ANO2: variants seen among roughly 807,000 people sequenced by gnomAD.
ANO2 encodes the protein anoctamin-2.
ANO2 carries 101 observed loss-of-function variants against 124.2 expected under a neutral mutation model. The ratio of observed to expected loss-of-function variants is 0.81; its 90% confidence interval spans 0.69 to 0.96. ANO2 has a LOEUF of 0.96. ANO2 is among the 40% of genes least tolerant of loss of function. The pLI is 0.00. For missense variants in ANO2, 1,293 were observed against 1,274.5 expected, an observed-to-expected ratio of 1.01 and a Z score of -0.22; for synonymous variants, 486 against 482.5, an observed-to-expected ratio of 1.01 and a Z score of -0.09.
chr12:5,819,637 C>T (rs1178427698), intron 7 of ANO2, among the ~76,000 whole-genome samples: 2 of 152,172 alleles, frequency 1.3e-5, no homozygotes, highest in Non-Finnish European at 2.9e-5. Context: ...GGATTAGTCA[C>T]TTTAGACCTA....
chr12:5,753,189 C>T (rs565813276), intron 10 of ANO2, among the ~76,000 whole-genome samples: 2 of 152,222 alleles, frequency 1.3e-5, no homozygotes, highest in East Asian at 1.9e-4. Flanking sequence ...TTCATCGGTG[C>T]CTTTCTCCAA....
At chr12:5,661,519 G>A (rs898168603) in intron 14 of ANO2, among the ~76,000 whole-genome samples, 2 of 152,092 alleles carry the variant, frequency 1.3e-5, no homozygotes, top group African/African-American at 4.8e-5. Context: ...GGGGGTGGGT[G>A]GGGACTTGAA....
rs1019683335 is a variant in ANO2, at chr12:5,843,453, G to A, written c.633+10590C>T. Among the ~76,000 whole-genome samples the A allele has an allele frequency of 2.6e-5, 4 of 152,122 alleles. No homozygotes were observed. The South Asian group carries it at 8.3e-4, about 32-fold the overall frequency. ...TAATCCCAGCTACTTGGGAGGCTGC[G>A]GTATGAGAATTGCTTGAACCTGAGC... On this transcript the variant is annotated intron_variant, in intron 4 of 24. Coordinates refer to ENST00000682330, the MANE Select transcript of ANO2 (RefSeq NM_001364791.2).
intron 3 of ANO2, among the ~76,000 whole-genome samples, chr12:5,859,635 C>CA (rs942870146): frequency 1.6e-4 from 25 of 152,142 alleles, no homozygotes; most frequent in African/African-American, 6.0e-4. Context: ...CAGGTTCAAG[C>CA]AATCCTCCCA....
chr12:5,927,190 G>C (rs1029479463), intron 1 of ANO2, among the ~76,000 whole-genome samples: 1 of 152,134 alleles, frequency 6.6e-6, no homozygotes, highest in African/African-American at 2.4e-5. Flanking sequence ...CTGGCTGTCT[G>C]TCCCCACCAT....
chr12:5,610,256 T>C (rs1299775444), intron 19 of ANO2, among the ~76,000 whole-genome samples: 2 of 124,650 alleles, frequency 1.6e-5, no homozygotes, highest in Non-Finnish European at 1.6e-5. Flanking sequence ...CATATATTTA[T>C]ACATAAATAT....
chr12:5,632,890 C>A (rs984954944), intron 16 of ANO2, among the ~76,000 whole-genome samples: 22 of 152,308 alleles, frequency 1.4e-4, no homozygotes, highest in African/African-American at 5.3e-4. Context: ...GCACACTCAG[C>A]AATACCCTTT....
chr12:5,736,126 A>G (rs1321517777), intron 13 of ANO2, among the ~76,000 whole-genome samples: 3 of 152,250 alleles, frequency 2.0e-5, no homozygotes, highest in African/African-American at 2.4e-5. Flanking sequence ...AATAAGTCCC[A>G]TGATGATGTC....
intron 3 of ANO2, among the ~76,000 whole-genome samples, chr12:5,920,058 TG>T (rs1941609051): frequency 1.4e-5 from 2 of 147,782 alleles, no homozygotes; most frequent in East Asian, 4.1e-4. Flanking sequence ...GATGGATGGA[TG>T]GATGGATGGA....
chr12:5,613,531 G>A (rs768278098), intron 17 of ANO2, among the ~76,000 whole-genome samples: 3 of 152,116 alleles, frequency 2.0e-5, no homozygotes, highest in Non-Finnish European at 2.9e-5. Context: ...TGTGCAGGTC[G>A]GGGAAGCAAA....
chr12:5,650,539 C>T (rs1259909120), intron 14 of ANO2, among the ~76,000 whole-genome samples: 3 of 152,158 alleles, frequency 2.0e-5, no homozygotes, highest in African/African-American at 7.2e-5. Flanking sequence ...GCCAAAGTCA[C>T]TAGTAAAGAT....
chr12:5,597,078 T>C (rs1943698866), intron 20 of ANO2, among the ~76,000 whole-genome samples: 1 of 152,182 alleles, frequency 6.6e-6, no homozygotes, highest in African/African-American at 2.4e-5. Context: ...TCCTCTTTGT[T>C]GTATTTTAAT....
intron 13 of ANO2, 58 bp downstream of exon 13, chr12:5,739,259 G>T: frequency 1.4e-6 from 2 of 1,438,798 alleles, no homozygotes; most frequent in South Asian, 2.4e-5. Flanking sequence ...TCCATTTCCA[G>T]GGTCAAAACA....
chr12:5,626,302 C>T (rs776693345), intron 16 of ANO2, among the ~76,000 whole-genome samples: 30 of 152,146 alleles, frequency 2.0e-4, no homozygotes, highest in Middle Eastern at 6.8e-3. Context: ...GTCAGGGTGT[C>T]GGATGGCATC....
chr12:5,925,964 T>G lies in ANO2; in HGVS notation c.23-3160A>C, dbSNP rs1942060000. 6.6e-6 allele frequency among the ~76,000 whole-genome samples: 1 copy of G among 152,238 alleles called. No individual in the cohort carries two copies. The highest frequency in any genetic ancestry group is 6.5e-5 in the Admixed American group (1 of 15,284). On this transcript the variant is annotated intron_variant, in intron 1 of 24. Transcript: ENST00000682330. The surrounding 1 kb of genome is among the most constrained non-coding windows in gnomAD (Gnocchi z 4.6). The stretch of plus-strand genomic sequence containing the variant: ...AGTTTCACTCTAACTCTTGCTCTCC[T>G]GCAGGCACCAGGTCCACACATTCCC...
intron 14 of ANO2, among the ~76,000 whole-genome samples, chr12:5,660,199 T>G (rs1947368688): frequency 6.6e-6 from 1 of 152,120 alleles, no homozygotes; most frequent in Non-Finnish European, 1.5e-5. Flanking sequence ...AACCCCACTG[T>G]AAGTCAAGGA....
intron 14 of ANO2, among the ~76,000 whole-genome samples, chr12:5,688,732 A>C (rs1300329653): frequency 6.6e-6 from 1 of 152,056 alleles, no homozygotes; most frequent in Non-Finnish European, 1.5e-5. Flanking sequence ...CAGTTCATCC[A>C]AGTCTAGGGT....
At chr12:5,584,265 C>T (rs1942975633) in intron 20 of ANO2, among the ~76,000 whole-genome samples, 1 of 152,060 alleles carries the variant, frequency 6.6e-6, no homozygotes, top group Non-Finnish European at 1.5e-5. Flanking sequence ...GCCAAAGGGA[C>T]TCCTGTGTGC....
intron 14 of ANO2, among the ~76,000 whole-genome samples, chr12:5,705,348 G>T (rs73271284): frequency 0.01 from 1,560 of 152,316 alleles, 32 homozygotes; most frequent in African/African-American, 0.036. Context: ...GGGGGGAAGA[G>T]CATGAATGCT....
Sources: gnomAD v4.1 joint callset for allele counts (sites outside exome capture counted in the v4.1 genomes callset) on GRCh38, gnomAD v4.1.1 for gene constraint, Gnocchi (gnomAD v3.1) non-coding constraint, MANE v1.5 for transcripts, NCBI Gene and HGNC (gene_info 2026-07-23, HGNC 2026-07-21) for gene names.